Variants in XIRP2 observed in about 807,000 individuals in gnomAD.
The protein encoded by XIRP2 is xin actin binding repeat containing 2, also known as xin actin-binding repeat-containing protein 2.
Under a neutral mutation model 277.0 loss-of-function variants are expected in XIRP2, and 236 were observed. That is an observed-to-expected ratio of 0.85 (90% CI 0.77 to 0.95). The LOEUF (loss-of-function observed/expected upper bound fraction) is 0.95, where lower values mean the gene tolerates loss of function less well. XIRP2 is among the 40% of genes least tolerant of loss of function. The pLI is 0.00. For missense variants in XIRP2, 4,640 were observed against 4,157.5 expected (o/e 1.12, Z -3.19); for synonymous variants, 1,490 against 1,416.5 (o/e 1.05, Z -1.17).
intron 2 of XIRP2, among the ~76,000 whole-genome samples, chr2:166,917,449 CAT>C (rs1244023784): frequency 3.9e-5 from 6 of 152,130 alleles, no homozygotes; most frequent in African/African-American, 1.2e-4. Flanking sequence ...CACCCACTTA[CAT>C]GTTTGCTATT....
chr2:166,909,176 G>C (rs1220450719), intron 2 of XIRP2, among the ~76,000 whole-genome samples: 1 of 152,034 alleles, frequency 6.6e-6, no homozygotes, highest in Admixed American at 6.5e-5. Context: ...AGCTTGATGG[G>C]GATGGCATTG....
Position 167,258,893 on chromosome 2 carries a change from C to G in XIRP2, c.*1076C>G, listed in dbSNP as rs762855547. The G allele has an allele frequency of 6.2e-7, 1 of 1,613,120 alleles. No homozygotes were observed. The highest frequency in any genetic ancestry group is 8.5e-7 in the Non-Finnish European group (1 of 1,179,594). On this transcript the variant is annotated 3_prime_UTR_variant, in exon 11 of 11. Coordinates refer to ENST00000409195, the MANE Select transcript of XIRP2 (RefSeq NM_152381.6). ...TGTACTAGCAATGGCTCTGAAGAAA[C>G]AGACTGACAGAGCAGCTGCTGGCAG...
rs187679773 is a variant in XIRP2, at chr2:167,248,547, G to A, written c.7155G>A (p.Pro2385=). The A allele has an allele frequency of 6.4e-5, 103 of 1,613,404 alleles. No homozygotes were observed. In the East Asian group the frequency reaches 1.7e-3, roughly 27 times the overall value. The change falls in exon 9 of 11, where the codon CCG becomes CCA. Residue 2385 remains proline, a synonymous_variant. Transcript: ENST00000409195. ...CACATCTCCTTTCCTCCTCTGCTCC[G>A]GAAAAGCACAGTGGAGACTTCATGC... The part of the protein sequence containing the change: ...KPAHLLSSSA[P]EKHSGDFMQQ...
chr2:167,244,935 A>G lies in XIRP2; in HGVS notation c.3543A>G (p.Glu1181=). 2 of 1,612,582 alleles carry G rather than the reference A, an allele frequency of 1.2e-6. No individual in the cohort carries two copies. The change falls in exon 9 of 11, where the codon GAA becomes GAG. Residue 1181 remains glutamate, a synonymous_variant. Transcript: ENST00000409195. ...TENLDSIQGE[E]VKEIKPVEMD... The stretch of plus-strand genomic sequence containing the variant: ...ATTTGGACAGCATACAAGGAGAAGA[A>G]GTGAAGGAAATCAAGCCTGTTGAAA...
intron 2 of XIRP2, among the ~76,000 whole-genome samples, chr2:166,965,681 T>C (rs570175480): frequency 6.6e-6 from 1 of 152,026 alleles, no homozygotes; most frequent in East Asian, 2.0e-4. Flanking sequence ...CCATGTAGAC[T>C]CAAGCAATCC....
At chr2:167,175,283 G>T (rs1447879841) in intron 3 of XIRP2, among the ~76,000 whole-genome samples, 2 of 152,068 alleles carry the variant, frequency 1.3e-5, no homozygotes, top group African/African-American at 4.8e-5. Flanking sequence ...TAGGATAGTT[G>T]GCTCTTCTTG....
chr2:166,957,620 A>G (rs1686195259), intron 2 of XIRP2, among the ~76,000 whole-genome samples: 1 of 151,776 alleles, frequency 6.6e-6, no homozygotes, highest in Non-Finnish European at 1.5e-5. Flanking sequence ...TTTTTAAAGC[A>G]ATTATACTCC....
chr2:167,120,086 G>A (rs890738257), intron 2 of XIRP2, among the ~76,000 whole-genome samples: 10 of 152,054 alleles, frequency 6.6e-5, no homozygotes, highest in African/African-American at 2.4e-4. Flanking sequence ...TTTTACCTCC[G>A]TCACGGTGGG....
intron 3 of XIRP2, among the ~76,000 whole-genome samples, chr2:167,152,951 A>G (rs1692058636): frequency 6.6e-6 from 1 of 152,124 alleles, no homozygotes; most frequent in African/African-American, 2.4e-5. Flanking sequence ...CTGCTCCCCC[A>G]AATGCAAACT....
At chr2:166,979,369 C>CTTTTTTTTTTTT (rs66909002) in intron 2 of XIRP2, among the ~76,000 whole-genome samples, 5 of 108,524 alleles carry the variant, frequency 4.6e-5, no homozygotes, top group African/African-American at 6.9e-5. Flanking sequence ...CTTTTCTTTT[C>CTTTTTTTTTTTT]TTTTTTTTTT....
chr2:167,057,320 T>G (rs1689062598), intron 2 of XIRP2, among the ~76,000 whole-genome samples: 1 of 138,250 alleles, frequency 7.2e-6, no homozygotes, highest in Non-Finnish European at 1.6e-5. Context: ...TAGTGTAGAT[T>G]GGCATTTTTC....
chr2:166,979,485 T>C (rs1258638839), intron 2 of XIRP2, among the ~76,000 whole-genome samples: 1 of 150,602 alleles, frequency 6.6e-6, no homozygotes, highest in Non-Finnish European at 1.5e-5. Context: ...ATTCAATATA[T>C]CACCATTAAG....
intron 5 of XIRP2, among the ~76,000 whole-genome samples, chr2:167,219,758 C>T (rs1694367298): frequency 6.6e-6 from 1 of 152,240 alleles, no homozygotes. Context: ...ATAACCCCCT[C>T]AGTCTTCAGT....
chr2:166,961,916 A>G (rs1473040), intron 2 of XIRP2, among the ~76,000 whole-genome samples: 79,505 of 151,492 alleles, frequency 0.52, 22,957 homozygotes, highest in East Asian at 0.82. Flanking sequence ...GTCTTTTAAA[A>G]AAGCTAAGGA....
intron 3 of XIRP2, among the ~76,000 whole-genome samples, chr2:167,201,505 T>C (rs1203324430): frequency 6.6e-6 from 1 of 152,160 alleles, no homozygotes; most frequent in Non-Finnish European, 1.5e-5. Context: ...ATGAGACCAG[T>C]GGCCCCTGCT....
At chr2:166,953,103 C>T (rs755706024) in intron 2 of XIRP2, among the ~76,000 whole-genome samples, 19 of 151,888 alleles carry the variant, frequency 1.3e-4, no homozygotes, top group Non-Finnish European at 2.6e-4. Context: ...CCTAGCATAC[C>T]TGGTAATGTT....
rs573199471 is a variant in XIRP2 at position 167,027,878 on chromosome 2, C to T, written c.409-108031C>T. 5.3e-5 allele frequency among the ~76,000 whole-genome samples: 8 copies of T among 152,104 alleles called. 1 individual carries two copies. The East Asian group carries it at 1.4e-3, about 26-fold the overall frequency. On this transcript the variant is annotated intron_variant, in intron 2 of 10. Transcript: ENST00000409195. ...GTACTCAAATAATTGCAAGTTAAAA[C>T]TTCAGGATCTCTTTGGTGAAATAAC...
At chr2:166,908,273 C>T (rs1281356419) in intron 2 of XIRP2, among the ~76,000 whole-genome samples, 1 of 152,122 alleles carries the variant, frequency 6.6e-6, no homozygotes, top group Non-Finnish European at 1.5e-5. Context: ...CTCTCCGGCA[C>T]CTGTTGTTTC....
At chr2:167,114,780 C>CT (rs1211557889) in intron 2 of XIRP2, among the ~76,000 whole-genome samples, 8 of 152,046 alleles carry the variant, frequency 5.3e-5, no homozygotes, top group Admixed American at 2.0e-4. Context: ...TGAACTCATC[C>CT]TTTTTTATGG....
Sources: gnomAD v4.1 joint callset for allele counts (sites outside exome capture counted in the v4.1 genomes callset) on GRCh38, gnomAD v4.1.1 for gene constraint, MANE v1.5 for transcripts, NCBI Gene and HGNC (gene_info 2026-07-23, HGNC 2026-07-21) for gene names.